The following SAXO5 variants were observed in gnomAD, a reference collection of about 807,000 sequenced individuals.
SAXO5 encodes the protein stabilizer of axonemal microtubules 5, also known as testis expressed 45.
chr19:7,508,349 G>C, the SAXO5 span: 3 of 1,613,760 alleles, frequency 1.9e-6, no homozygotes, highest in African/African-American at 4.0e-5. Context: ...CCCTGGGCAC[G>C]CCTCACCAGC....
the SAXO5 span, chr19:7,508,448 T>G: frequency 2.5e-6 from 4 of 1,591,094 alleles, no homozygotes; most frequent in African/African-American, 4.0e-5. Context: ...CTTGGCAACA[T>G]TCCACTCTTT....
chr19:7,506,177 C>A, the SAXO5 span: 1 of 1,581,324 alleles, frequency 6.3e-7, no homozygotes, highest in Non-Finnish European at 8.6e-7. Context: ...TGAGCGCTCC[C>A]GGGAAGCCCC....
At chr19:7,501,281 C>T in the SAXO5 span, 12 of 1,573,748 alleles carry the variant, frequency 7.6e-6, no homozygotes, top group Admixed American at 1.7e-5. Flanking sequence ...TCATCTTCGA[C>T]CGCGACTCCC....
chr19:7,505,200 C>T, the SAXO5 span: 2 of 882,864 alleles, frequency 2.3e-6, no homozygotes, highest in Admixed American at 1.9e-5. Flanking sequence ...CCAATCTGTT[C>T]TCAAAAGCCT....
At chr19:7,504,684 C>T in the SAXO5 span, among the ~76,000 whole-genome samples, 1 of 145,222 alleles carries the variant, frequency 6.9e-6, no homozygotes, top group Non-Finnish European at 1.5e-5. Context: ...CCAGCCTGTT[C>T]GACAGAGCAA....
the SAXO5 span, chr19:7,501,398 C>T: frequency 2.0e-6 from 3 of 1,484,518 alleles, no homozygotes; most frequent in Non-Finnish European, 2.7e-6. Flanking sequence ...GTTGCCACCT[C>T]GGTGAGCGCG....
chr19:7,504,093 TC>T, the SAXO5 span: 1 of 1,498,658 alleles, frequency 6.7e-7, no homozygotes, highest in Non-Finnish European at 9.3e-7. Context: ...TCTCTCTCTC[TC>T]CCCCCATCCC....
chr19:7,505,430 G>A, the SAXO5 span: 25 of 1,614,008 alleles, frequency 1.5e-5, no homozygotes, highest in Admixed American at 3.8e-4. Flanking sequence ...CTATGCCAGG[G>A]AGCCAGGTGA....
chr19:7,506,349 C>T, the SAXO5 span: 2 of 677,952 alleles, frequency 3.0e-6, no homozygotes, highest in Non-Finnish European at 5.4e-6. Context: ...ACCAGCCCTC[C>T]CCTCCCCCGG....
the SAXO5 span, chr19:7,508,410 C>CCA: frequency 1.8e-5 from 29 of 1,611,308 alleles, no homozygotes; most frequent in African/African-American, 8.0e-5. Flanking sequence ...CCCTATGTAC[C>CCA]TGTGCCCCAG....
chr19:7,508,198 C>T, the SAXO5 span: 1 of 1,612,044 alleles, frequency 6.2e-7, no homozygotes, highest in Non-Finnish European at 8.5e-7. Flanking sequence ...TCCACCCTGT[C>T]TCCACAGTGC....
the SAXO5 span, among the ~76,000 whole-genome samples, chr19:7,504,988 C>CTTT: frequency 1.5e-5 from 2 of 134,382 alleles, no homozygotes; most frequent in Admixed American, 7.5e-5. Flanking sequence ...TTTTTTTTTT[C>CTTT]TTTTTTTTTT....
At chr19:7,508,271 C>A in the SAXO5 span, 39 of 1,613,986 alleles carry the variant, frequency 2.4e-5, no homozygotes, top group Non-Finnish European at 3.2e-5. Context: ...AATACAAGGA[C>A]GAGTTTCCTT....
chr19:7,500,848 G>A, the SAXO5 span: 1 of 1,531,362 alleles, frequency 6.5e-7, no homozygotes, highest in Admixed American at 1.9e-5. Flanking sequence ...CTCCTGCCGT[G>A]CTCGCGCCCG....
At chr19:7,501,364 C>T in the SAXO5 span, 7 of 1,520,102 alleles carry the variant, frequency 4.6e-6, no homozygotes, top group Admixed American at 2.1e-5. Context: ...CCCCACGACG[C>T]GCGCCCGCAG....
the SAXO5 span, chr19:7,499,966 G>GTGTGT: frequency 1.2e-4 from 12 of 96,666 alleles, no homozygotes; most frequent in South Asian, 5.8e-4. Flanking sequence ...GTGTGTGTGT[G>GTGTGT]GAGACGGGGT....
chr19:7,501,098 G>A, the SAXO5 span: 1 of 1,501,630 alleles, frequency 6.7e-7, no homozygotes, highest in Non-Finnish European at 8.8e-7. Flanking sequence ...CATCCACGCC[G>A]CCGTGGGAGC....
At chr19:7,504,274 G>A in the SAXO5 span, 55 of 1,613,460 alleles carry the variant, frequency 3.4e-5, no homozygotes, top group African/African-American at 8.0e-5. Context: ...ATTGGGGGCT[G>A]GGTGGTTTGG....
At chr19:7,499,932 TTGTGTGTGTGTG>T in the SAXO5 span, 2 of 108,930 alleles carry the variant, frequency 1.8e-5, no homozygotes. Context: ...CTTGTCTAAT[TTGTGTGTGTGTG>T]TGTGTGTGTG....
Sources: allele counts gnomAD v4.1 joint callset (sites outside exome capture counted in the v4.1 genomes callset), GRCh38; gene constraint gnomAD v4.1.1; transcripts MANE v1.5; gene names NCBI Gene and HGNC (gene_info 2026-07-23, HGNC 2026-07-21).